NUSAP1: variants seen among roughly 807,000 people sequenced by gnomAD.
The protein encoded by NUSAP1 is nucleolar and spindle associated protein 1, also known as nucleolar and spindle-associated protein 1.
A neutral mutation model predicts 52.8 loss-of-function variants in NUSAP1; 32 were observed. The ratio of observed to expected loss-of-function variants is 0.61; its 90% confidence interval spans 0.46 to 0.81. The LOEUF is 0.81. Ranked by LOEUF, NUSAP1 falls within the 40% of genes least tolerant of loss-of-function variation. NUSAP1 has a pLI of 0.00. For missense variants in NUSAP1, 499 were observed against 522.3 expected (o/e 0.96, Z 0.43); for synonymous variants, 195 against 183.1 (o/e 1.06, Z -0.52).
chr15:41,347,533 T>C (rs1460915828), intron 2 of NUSAP1, among the ~76,000 whole-genome samples: 1 of 151,974 alleles, frequency 6.6e-6, no homozygotes, highest in Non-Finnish European at 1.5e-5. Context: ...TGAATAGACA[T>C]GGCCGGGTGC....
At chr15:41,373,935 A>T (rs1362620240) in intron 8 of NUSAP1, among the ~76,000 whole-genome samples, 1 of 152,094 alleles carries the variant, frequency 6.6e-6, no homozygotes, top group East Asian at 1.9e-4. Flanking sequence ...TGATCCTAGG[A>T]TCCCAGCACT....
intron 6 of NUSAP1, among the ~76,000 whole-genome samples, chr15:41,358,477 C>T (rs369158872): frequency 4.9e-4 from 75 of 152,310 alleles, no homozygotes; most frequent in African/African-American, 1.8e-3. Context: ...TGGCTCATGC[C>T]TGTAATCCCC....
intron 4 of NUSAP1, among the ~76,000 whole-genome samples, chr15:41,354,482 G>A (rs922055879): frequency 2.0e-5 from 3 of 152,112 alleles, no homozygotes; most frequent in African/African-American, 4.8e-5. Context: ...TCCATCCTGG[G>A]CGACAGTGTG....
In NUSAP1 at chr15:41,371,686, TAAA is replaced by T. The variant is rs371284414; in HGVS notation, c.1006+15_1006+17del. ...CCATCACGGGGAATTCTGCTGCTGG[TAAA>T]AAAAAAAAAAAACAAAAGAAATCTG... On this transcript the variant is annotated splice_donor_5th_base_variant and intron_variant, in intron 8 of 10. Transcript: ENST00000559596. 2.8e-4 allele frequency: 367 copies of T among 1,308,916 alleles called. No individual in the cohort carries two copies. Among genetic ancestry groups the T allele is most frequent in the Admixed American group, 1.4e-3 (55 of 38,658 alleles). 81.1% of individuals were successfully genotyped at this position (1,308,916 alleles called of 1,614,324 possible). A position where few individuals can be genotyped will look rare whatever the true frequency, so the allele number is the denominator to read the frequency against.
At chr15:41,347,453 CT>C (rs1377076497) in intron 2 of NUSAP1, among the ~76,000 whole-genome samples, 4 of 152,142 alleles carry the variant, frequency 2.6e-5, no homozygotes, top group African/African-American at 9.6e-5. Flanking sequence ...CCAAGGAATC[CT>C]GCCAAATAAC....
chr15:41,337,650 A>G (rs1015859043), intron 1 of NUSAP1, among the ~76,000 whole-genome samples: 4 of 152,166 alleles, frequency 2.6e-5, no homozygotes, highest in Non-Finnish European at 5.9e-5. Context: ...TCGCCATCTT[A>G]CAAAGCTTGT....
At chr15:41,338,932 T>G (rs943117778) in intron 1 of NUSAP1, among the ~76,000 whole-genome samples, 2 of 151,572 alleles carry the variant, frequency 1.3e-5, no homozygotes, top group African/African-American at 4.9e-5. Flanking sequence ...GGCACTGCAC[T>G]CCACCCTGGG....
At chr15:41,364,351 G>A (rs968471497) in intron 6 of NUSAP1, among the ~76,000 whole-genome samples, 1 of 151,886 alleles carries the variant, frequency 6.6e-6, no homozygotes, top group African/African-American at 2.4e-5. Flanking sequence ...TTCAAGACCA[G>A]CCTGGCCAAC....
chr15:41,358,056 G>A, intron 5 of NUSAP1, 93 bp from the exon 6 acceptor site: 1 of 549,798 alleles, frequency 1.8e-6, no homozygotes, highest in South Asian at 3.0e-5. Flanking sequence ...TGTCAGGGAT[G>A]CAAAGAAGAG....
intron 5 of NUSAP1, among the ~76,000 whole-genome samples, 183 bp downstream of exon 5, chr15:41,356,323 G>A (rs1336424200): frequency 6.6e-6 from 1 of 150,424 alleles, no homozygotes; most frequent in African/African-American, 2.4e-5. Flanking sequence ...GTGCAAAGTG[G>A]AAATAGTTAT....
At chr15:41,367,862 T>G (rs974098355) in intron 7 of NUSAP1, among the ~76,000 whole-genome samples, 1 of 152,078 alleles carries the variant, frequency 6.6e-6, no homozygotes, top group Admixed American at 6.6e-5. Context: ...CCTCCTGGGC[T>G]TCCATTCACC....
At chr15:41,355,510 G>T (rs1222439300) in intron 4 of NUSAP1, among the ~76,000 whole-genome samples, 1 of 151,994 alleles carries the variant, frequency 6.6e-6, no homozygotes, top group Non-Finnish European at 1.5e-5. Flanking sequence ...CTCCACAGGT[G>T]TCAGAAAATT....
chr15:41,375,846 G>C lies in NUSAP1; in HGVS notation c.1123+18G>C. ...ACACAAAGGTATGTGGGAGTGTTTT[G>C]AGCTACAGGGCCTGTAAAATACTTA... On this transcript the variant is annotated intron_variant, in intron 9 of 10. Coordinates refer to ENST00000559596, the MANE Select transcript of NUSAP1 (RefSeq NM_016359.5). The C allele has an allele frequency of 6.6e-7, 1 of 1,504,480 alleles. No individual in the cohort carries two copies. Among genetic ancestry groups the C allele is most frequent in the South Asian group, 1.1e-5 (1 of 88,870 alleles). The allele number at this position is 1,504,480 out of a possible 1,614,324, so 93.2% of individuals were successfully genotyped here. A position where few individuals can be genotyped will look rare whatever the true frequency, so the allele number is the denominator to read the frequency against.
chr15:41,341,678 C>G (rs184506441), intron 1 of NUSAP1, among the ~76,000 whole-genome samples: 3 of 152,154 alleles, frequency 2.0e-5, no homozygotes, highest in Non-Finnish European at 2.9e-5. Context: ...GCCTTAGCCC[C>G]GCTCCAGTTC....
chr15:41,374,180 TTG>T (rs1325174474), intron 8 of NUSAP1, among the ~76,000 whole-genome samples: 3 of 152,346 alleles, frequency 2.0e-5, no homozygotes, highest in African/African-American at 7.2e-5. Flanking sequence ...TTCATGTAGA[TTG>T]TCTTAGTCCT....
chr15:41,358,250 G>GAACTGAA lies in NUSAP1; in HGVS notation c.653_659dup (p.Gln221ThrfsTer8), dbSNP rs2049040348. The GAACTGAA allele has an allele frequency of 7.1e-7, 1 of 1,405,214 alleles. No homozygotes were observed. The highest frequency in any genetic ancestry group is 1.0e-6 in the Non-Finnish European group (1 of 1,000,798). 87.0% of individuals were successfully genotyped at this position (1,405,214 alleles called of 1,614,324 possible). On this transcript the variant is annotated frameshift_variant, in exon 6 of 11. Transcript: ENST00000559596. LOFTEE classifies it high-confidence loss of function. Reference sequence around the variant, plus strand: ...TTTTGAAGAACACAATTCCATGAATGAACTGAAGGTATGTAGATAAAATTA... The same window carrying GAACTGAA: ...TTTTGAAGAACACAATTCCATGAATGAACTGAAAACTGAAGGTATGTAGATAAAATTA...
At position 41,377,208 on chromosome 15, in the gene NUSAP1, C is replaced by A; in HGVS notation, c.1136C>A (p.Pro379Gln). 1 of 1,506,594 alleles carries A rather than the reference C, an allele frequency of 6.6e-7. No individual in the cohort carries two copies. Among genetic ancestry groups the A allele is most frequent in the Non-Finnish European group, 8.9e-7 (1 of 1,117,562 alleles). The allele number at this position is 1,506,594 out of a possible 1,614,324, so 93.3% of individuals were successfully genotyped here. ...NYEPHKGKLK[P>Q]WGQSKENNYL... ...TGTCCTAAACTAGGAAAGCTAAAAC[C>A]ATGGGGGCAATCTAAAGAAAATAAT... The change falls in exon 10 of 11, where the codon CCA becomes CAA. Residue 379 changes from proline to glutamine, a missense_variant. Transcript: ENST00000559596.
At chr15:41,356,354 CTTTTT>C (rs398026995) in intron 5 of NUSAP1, among the ~76,000 whole-genome samples, 1 of 124,650 alleles carries the variant, frequency 8.0e-6, no homozygotes, top group African/African-American at 3.0e-5. Context: ...CTATTTCTTT[CTTTTT>C]TTTTTTTTTT....
intron 8 of NUSAP1, among the ~76,000 whole-genome samples, chr15:41,373,448 C>CTTTTT (rs763340655): frequency 1.7e-5 from 2 of 117,296 alleles, no homozygotes; most frequent in African/African-American, 3.3e-5. Context: ...AATTCATATT[C>CTTTTT]TTTTTTTTTT....
Sources: allele counts gnomAD v4.1 joint callset (sites outside exome capture counted in the v4.1 genomes callset), GRCh38; gene constraint gnomAD v4.1.1; transcripts MANE v1.5; gene names NCBI Gene and HGNC (gene_info 2026-07-23, HGNC 2026-07-21).